Variants in SUGP1 observed in about 807,000 individuals in gnomAD.
SUGP1 encodes the protein SURP and G-patch domain containing 1, also known as SURP and G-patch domain-containing protein 1.
A neutral mutation model predicts 76.5 loss-of-function variants in SUGP1; 34 were observed. The observed-to-expected ratio is 0.44, with a 90% CI of 0.34 to 0.59. The LOEUF is 0.59. SUGP1 is among the 20% of genes least tolerant of loss of function. The pLI, the probability that SUGP1 is intolerant of heterozygous loss-of-function variation, is 0.01. For synonymous variants in SUGP1, 326 were observed against 326.2 expected (o/e 1.00, Z 0.01); for missense variants, 752 against 851.7 (o/e 0.88, Z 1.46).
At chr19:19,295,108 G>A (rs1165121065) in intron 8 of SUGP1, among the ~76,000 whole-genome samples, 1 of 152,004 alleles carries the variant, frequency 6.6e-6, no homozygotes, top group Non-Finnish European at 1.5e-5. Flanking sequence ...GATCAGCCTG[G>A]GTAACATACT....
At chr19:19,287,418 C>A (rs1482004260) in intron 8 of SUGP1, among the ~76,000 whole-genome samples, 1 of 151,848 alleles carries the variant, frequency 6.6e-6, no homozygotes, top group African/African-American at 2.4e-5. Context: ...AAAAATTAGC[C>A]GGGCATGGTG....
chr19:19,302,313 T>G lies in SUGP1; in HGVS notation c.839A>C (p.Glu280Ala), dbSNP rs1236555768. 6.2e-7 allele frequency: 1 copy of G among 1,614,144 alleles called. No homozygotes were observed. The highest frequency in any genetic ancestry group is 1.7e-5 in the Admixed American group (1 of 60,008). The change falls in exon 7 of 14, where the codon GAG (glutamate) becomes GCG (alanine). Residue 280 changes from glutamate (E) to alanine (A), a missense_variant. Physicochemically the swap from Glu to Ala is moderately radical, Grantham distance 107. Transcript: ENST00000247001. ...LARFIADGGP[E>A]VETIALQNNR... ...GTTCTGGAGGGCAATGGTTTCCACC[T>G]CGGGACCCCCGTCCGCTATGAACCT...
intron 7 of SUGP1, among the ~76,000 whole-genome samples, chr19:19,299,435 C>G (rs1447597662): frequency 6.6e-6 from 1 of 151,934 alleles, no homozygotes; most frequent in Non-Finnish European, 1.5e-5. Flanking sequence ...TGCAGTGGCA[C>G]AATCTCAGCT....
chr19:19,286,931 C>T (rs1190154233), intron 8 of SUGP1, among the ~76,000 whole-genome samples: 1 of 147,428 alleles, frequency 6.8e-6, no homozygotes, highest in African/African-American at 2.6e-5. Flanking sequence ...GGTGACAGTG[C>T]GAGACTCTGT....
In SUGP1 at chr19:19,310,214, A is replaced by G; in HGVS notation, c.207-14T>C. 1 of 1,598,250 alleles carries G rather than the reference A, an allele frequency of 6.3e-7. No homozygotes were observed. Among genetic ancestry groups the G allele is most frequent in the Non-Finnish European group, 8.6e-7 (1 of 1,166,088 alleles). On this transcript the variant is annotated splice_polypyrimidine_tract_variant and intron_variant, in intron 2 of 13. Coordinates refer to ENST00000247001, the MANE Select transcript of SUGP1 (RefSeq NM_172231.4). ...GCATTTGTGATTCTAGAACCAAGAC[A>G]GAGGACAGAGAGGGTGAGCTGGCTA...
chr19:19,299,877 C>T (rs2061257887), intron 7 of SUGP1, among the ~76,000 whole-genome samples: 1 of 151,902 alleles, frequency 6.6e-6, no homozygotes, highest in Non-Finnish European at 1.5e-5. Context: ...CCGCAACCTC[C>T]GCCTGCCGGG....
intron 1 of SUGP1, among the ~76,000 whole-genome samples, chr19:19,317,584 C>A (rs963249102): frequency 1.3e-5 from 2 of 152,076 alleles, no homozygotes; most frequent in African/African-American, 4.8e-5. Context: ...GTGGTGTGAT[C>A]TCAGCTCACT....
At chr19:19,309,964 A>G (rs2061342451) in intron 3 of SUGP1, 133 bp downstream of exon 3, 1 of 605,556 alleles carries the variant, frequency 1.7e-6, no homozygotes, top group East Asian at 2.8e-5. Context: ...TGGTGCACGC[A>G]TGGGTGGAAT....
chr19:19,318,978 G>A (rs1393296283), intron 1 of SUGP1, among the ~76,000 whole-genome samples: 8 of 152,188 alleles, frequency 5.3e-5, no homozygotes, highest in African/African-American at 7.2e-5. Flanking sequence ...CAGCACCTGG[G>A]AGGCTGAAGC....
At position 19,320,464 on chromosome 19, in the gene SUGP1, T is replaced by C. The variant is rs2061436614; in HGVS notation, c.33A>G (p.Ala11=). 6.2e-7 allele frequency: 1 copy of C among 1,609,906 alleles called. No homozygotes were observed. The change falls in exon 1 of 14, where the codon GCA becomes GCG. Residue 11 remains alanine, a splice_region_variant and synonymous_variant. Transcript: ENST00000247001. MSLKMDNRDV[A]GKANRWFGVA... ...CTGAGAGGAGGCGGGGGCTGTTACC[T>C]GCAACATCCCGGTTGTCCATCTTGA...
At chr19:19,296,521 C>T (rs1322355006) in intron 8 of SUGP1, among the ~76,000 whole-genome samples, 1 of 151,840 alleles carries the variant, frequency 6.6e-6, no homozygotes, top group Non-Finnish European at 1.5e-5. Context: ...GTGGCGGGCA[C>T]CTGTAGTCCC....
At chr19:19,291,888 G>GACAC (rs1555788743) in intron 8 of SUGP1, among the ~76,000 whole-genome samples, 30 of 65,326 alleles carry the variant, frequency 4.6e-4, no homozygotes, top group Non-Finnish European at 7.0e-4. Flanking sequence ...GTGAGACTCT[G>GACAC]TCACACACAC....
Position 19,303,408 on chromosome 19 carries a change from T to C in SUGP1, c.703A>G (p.Arg235Gly). 1.2e-6 allele frequency: 2 copies of C among 1,614,164 alleles called. No individual in the cohort carries two copies. Among genetic ancestry groups the C allele is most frequent in the East Asian group, 2.2e-5 (1 of 44,888 alleles). ...DKNSREFLYY[R>G]KKVAEIRKEA... ...TTTCTTATCTCAGCCACCTTCTTCC[T>C]GTAGTAGAGGAATTCCCTGCTATTC... Residue 235 changes from arginine to glycine, a missense_variant, in exon 6 of 14, where the codon AGG becomes GGG. Arg to Gly is a moderately radical substitution (Grantham distance 125). Coordinates refer to ENST00000247001, the MANE Select transcript of SUGP1 (RefSeq NM_172231.4).
rs769360866 is a variant in SUGP1, at chr19:19,320,502, C to G, written c.-6G>C. 1.7e-5 allele frequency: 28 copies of G among 1,609,882 alleles called. No homozygotes were observed. Among genetic ancestry groups the G allele is most frequent in the Non-Finnish European group, 2.0e-5 (24 of 1,178,484 alleles). ...TTGTCCATCTTGAGACTCATCCAAT[C>G]CCACAATGCTCCGGCGCCCCTTAAG... is the stretch of plus-strand genomic sequence containing the variant. On this transcript the variant is annotated 5_prime_UTR_variant, in exon 1 of 14. Transcript: ENST00000247001.
rs1428188272 is a variant in SUGP1 at position 19,290,951 on chromosome 19, TACTAAAA to T, written c.1243+6031_1243+6037del. ...GGCCAACATGGTGAAACCCCGTCTC[TACTAAAA>T]ATACAAAAATTAGCTGGGCGTGGGG... On this transcript the variant is annotated intron_variant, in intron 8 of 13. Coordinates refer to ENST00000247001, the MANE Select transcript of SUGP1 (RefSeq NM_172231.4). 1.1e-4 allele frequency among the ~76,000 whole-genome samples: 16 copies of T among 152,106 alleles called. No individual in the cohort carries two copies. The East Asian group carries it at 3.1e-3, about 30-fold the overall frequency.
At chr19:19,316,657 G>A in intron 1 of SUGP1, 64 bp from the exon 2 acceptor site, 1 of 1,568,860 alleles carries the variant, frequency 6.4e-7, no homozygotes, top group East Asian at 2.2e-5. Context: ...AAGAAGCTGT[G>A]ACAGGCCAGA....
chr19:19,310,265 C>T (rs1158798761), intron 2 of SUGP1, 65 bp from the exon 3 acceptor site: 34 of 1,275,040 alleles, frequency 2.7e-5, no homozygotes, highest in Non-Finnish European at 3.5e-5. Flanking sequence ...CACCAGAGGA[C>T]GAGGATGAGG....
chr19:19,279,510 T>A, intron 9 of SUGP1, 120 bp from the exon 10 acceptor site: 3 of 1,087,038 alleles, frequency 2.8e-6, no homozygotes, highest in Non-Finnish European at 2.6e-6. Context: ...TCTGGACCCC[T>A]GGGCAGGACT....
intron 2 of SUGP1, among the ~76,000 whole-genome samples, chr19:19,311,799 C>T (rs1426123080): frequency 6.7e-6 from 1 of 150,040 alleles, no homozygotes; most frequent in Non-Finnish European, 1.5e-5. Context: ...CTCTGAGCTG[C>T]AGGCCCACAT....
Sources: gnomAD v4.1 joint callset for allele counts (sites outside exome capture counted in the v4.1 genomes callset) on GRCh38, gnomAD v4.1.1 for gene constraint, MANE v1.5 for transcripts, NCBI Gene and HGNC (gene_info 2026-07-23, HGNC 2026-07-21) for gene names.